ALK: variants seen among roughly 807,000 people sequenced by gnomAD.
The protein encoded by ALK is ALK receptor tyrosine kinase.
ALK carries 74 observed loss-of-function variants against 163.1 expected under a neutral mutation model. The ratio of observed to expected loss-of-function variants is 0.45; its 90% CI spans 0.38 to 0.55. ALK has a LOEUF of 0.55. Among genes scored for constraint, ALK ranks in the 20% least tolerant of loss-of-function variants. The pLI is 0.00. For synonymous variants in ALK, 960 were observed against 843.2 expected, an observed-to-expected ratio of 1.14 and a Z score of -2.40; for missense variants, 2,063 against 2,105.3, an observed-to-expected ratio of 0.98 and a Z score of 0.39.
intron 8 of ALK, among the ~76,000 whole-genome samples, chr2:29,317,820 C>CCA (rs57630185): frequency 0.88 from 134,120 of 152,106 alleles, 61,301 homozygotes; most frequent in Non-Finnish European, 0.99. Flanking sequence ...GTCCCTCCAC[C>CCA]CACACCAATG....
Position 29,678,640 on chromosome 2 carries a change from AT to A in ALK, c.952+16209del, listed in dbSNP as rs1677965667. The stretch of plus-strand genomic sequence containing the variant: ...CAGTGGTCAACTTTTAGTTTGTTTT[AT>A]TGTGATTGAAGGATATACTTTTTAA... On this transcript the variant is annotated intron_variant, in intron 3 of 28. Coordinates refer to ENST00000389048, the MANE Select transcript of ALK (RefSeq NM_004304.5). Among the ~76,000 whole-genome samples, 6 of 151,340 alleles carry A rather than the reference AT, an allele frequency of 4.0e-5. No homozygotes were observed. The South Asian group carries it at 1.2e-3, about 31-fold the overall frequency.
chr2:29,686,962 T>C (rs890746869), intron 3 of ALK, among the ~76,000 whole-genome samples: 8 of 152,094 alleles, frequency 5.3e-5, no homozygotes, highest in Admixed American at 2.6e-4. Flanking sequence ...AGGGACTGTA[T>C]TGCTTGAGAG....
At chr2:29,913,047 C>G (rs1187844800) in intron 1 of ALK, among the ~76,000 whole-genome samples, 4 of 152,092 alleles carry the variant, frequency 2.6e-5, no homozygotes, top group Admixed American at 2.0e-4. Context: ...CTTTTTCATA[C>G]CTTCCTTTAG....
intron 3 of ALK, among the ~76,000 whole-genome samples, chr2:29,663,380 A>G: frequency 6.6e-6 from 1 of 152,186 alleles, no homozygotes; most frequent in Admixed American, 6.5e-5. Context: ...CTTTACAGGA[A>G]AAGATTGAAA....
chr2:29,580,045 T>C (rs1011114993), intron 3 of ALK, among the ~76,000 whole-genome samples: 6 of 152,162 alleles, frequency 3.9e-5, no homozygotes, highest in Admixed American at 3.9e-4. Context: ...CCACAGAATT[T>C]ATAACGCAGA....
At chr2:29,872,728 A>G (rs918787140) in intron 1 of ALK, among the ~76,000 whole-genome samples, 4 of 152,250 alleles carry the variant, frequency 2.6e-5, no homozygotes, top group African/African-American at 9.6e-5. Context: ...AAGTCGAAAA[A>G]TCATAAGTCA....
chr2:29,502,397 ACTTCTCTTGAAATC>A (rs1345952485), intron 4 of ALK, among the ~76,000 whole-genome samples: 3 of 152,126 alleles, frequency 2.0e-5, no homozygotes, highest in African/African-American at 7.2e-5. Flanking sequence ...TAAATGCATA[ACTTCTCTTGAAATC>A]CTTCTCTTGA....
At chr2:29,404,672 G>C (rs189222729) in intron 4 of ALK, among the ~76,000 whole-genome samples, 1 of 152,216 alleles carries the variant, frequency 6.6e-6, no homozygotes, top group Non-Finnish European at 1.5e-5. Context: ...AGGCATTGTA[G>C]TAAGTACTGG....
intron 4 of ALK, among the ~76,000 whole-genome samples, chr2:29,389,363 A>C (rs1669108082): frequency 6.6e-6 from 1 of 152,180 alleles, no homozygotes; most frequent in Non-Finnish European, 1.5e-5. Context: ...AGGGGTCAGG[A>C]ATTAGGAAAA....
intron 5 of ALK, among the ~76,000 whole-genome samples, chr2:29,358,086 C>T (rs1309027491): frequency 2.0e-5 from 3 of 152,186 alleles, no homozygotes; most frequent in Admixed American, 6.5e-5. Flanking sequence ...GAGCCCAGAA[C>T]GTCAGCTTGC....
intron 8 of ALK, among the ~76,000 whole-genome samples, chr2:29,305,331 G>A (rs553153912): frequency 2.9e-4 from 44 of 152,240 alleles, no homozygotes; most frequent in African/African-American, 1.0e-3. Context: ...GAGACCCCGT[G>A]AGCAGTAATG....
At chr2:29,398,154 G>C (rs1480699193) in intron 4 of ALK, among the ~76,000 whole-genome samples, 2 of 152,196 alleles carry the variant, frequency 1.3e-5, no homozygotes, top group Non-Finnish European at 2.9e-5. Context: ...GCTAGGGCTA[G>C]AGGGGGCAGG....
At chr2:29,577,544 C>T (rs1674558078) in intron 3 of ALK, among the ~76,000 whole-genome samples, 1 of 152,098 alleles carries the variant, frequency 6.6e-6, no homozygotes, top group East Asian at 1.9e-4. Context: ...GATCTGTGGC[C>T]ATGACGATAA....
chr2:29,893,664 T>C (rs1321945503), intron 1 of ALK, among the ~76,000 whole-genome samples: 1 of 152,178 alleles, frequency 6.6e-6, no homozygotes, highest in Admixed American at 6.5e-5. Context: ...CTGCCTCTAA[T>C]AAGCAGACTG....
chr2:29,193,694 C>G lies in ALK; in HGVS notation c.4393G>C (p.Val1465Leu), dbSNP rs769128867. ...CCTTCCACGGCCGGCCCTCTAGGGA[C>G]TCGAACAGAGATCTCTGCAGCTGTG... ...KPTAAEISVR[V>L]PRGPAVEGGH... The change falls in exon 29 of 29, where the codon GTC (valine) becomes CTC (leucine). Residue 1465 changes from valine (V) to leucine (L), a missense_variant. Physicochemically the swap from Val to Leu is conservative, Grantham distance 32 (BLOSUM62 1). Around this residue, in one of 5 missense-constraint regions of ALK, gnomAD observed 403 missense variants for 366.2 expected, o/e 1.10. Transcript: ENST00000389048. 1.2e-6 allele frequency: 2 copies of G among 1,613,114 alleles called. No homozygotes were observed. Among genetic ancestry groups the G allele is most frequent in the South Asian group, 2.2e-5 (2 of 91,046 alleles).
chr2:29,344,637 T>C (rs1344295138), intron 5 of ALK, among the ~76,000 whole-genome samples: 1 of 152,276 alleles, frequency 6.6e-6, no homozygotes, highest in African/African-American at 2.4e-5. Context: ...GTCAATGCCA[T>C]GTGGCATGAA....
Position 29,224,485 on chromosome 2 carries a change from A to G in ALK, c.3173-957T>C, listed in dbSNP as rs149764412. 113 of 228,900 alleles carry G rather than the reference A, an allele frequency of 4.9e-4. 1 individual carries two copies. The East Asian group carries it at 7.0e-3, about 14-fold the overall frequency. 14.2% of individuals were successfully genotyped at this position (228,900 alleles called of 1,614,324 possible). On this transcript the variant is annotated intron_variant, in intron 19 of 28. Coordinates refer to ENST00000389048, the MANE Select transcript of ALK (RefSeq NM_004304.5). ...AAGAGCTCTACCAATGTGAGTGACC[A>G]TTATCACTCCTACATGTGAGGATGT...
chr2:29,341,822 C>T (rs914780085), intron 5 of ALK, among the ~76,000 whole-genome samples: 11 of 152,126 alleles, frequency 7.2e-5, no homozygotes, highest in African/African-American at 2.2e-4. Context: ...CGGGTAGAGT[C>T]CCCTATGAAA....
Position 29,368,820 on chromosome 2 carries a change from T to C in ALK, c.1282+14912A>G, listed in dbSNP as rs1275683202. Reference sequence around the variant, plus strand: ...ATCACTACTGCCATCATCCATCTGTTCTCAGGGGTGATATTTAAACCCTTT... The same window carrying C: ...ATCACTACTGCCATCATCCATCTGTCCTCAGGGGTGATATTTAAACCCTTT... On this transcript the variant is annotated intron_variant, in intron 5 of 28. Transcript: ENST00000389048. Among the ~76,000 whole-genome samples the C allele has an allele frequency of 4.6e-5, 7 of 152,264 alleles. No homozygotes were observed. In the South Asian group the frequency reaches 1.5e-3, roughly 32 times the overall value.
Sources: gnomAD v4.1 joint callset for allele counts (sites outside exome capture counted in the v4.1 genomes callset) on GRCh38, gnomAD v4.1.1 for gene constraint, gnomAD v4.1.1 regional missense constraint, MANE v1.5 for transcripts, NCBI Gene and HGNC (gene_info 2026-07-23, HGNC 2026-07-21) for gene names.